Variants in TAFA5 observed in about 807,000 individuals in gnomAD.
TAFA5 encodes chemokine-like protein TAFA-5.
In TAFA5, 6 loss-of-function variants were observed where a neutral mutation model predicts 15.3. The observed-to-expected ratio is 0.39, with a 90% CI of 0.21 to 0.77. The LOEUF is 0.77. TAFA5 is among the 30% of genes least tolerant of loss of function. The pLI is 0.41. For missense variants in TAFA5, 161 were observed against 193.1 expected (o/e 0.83, Z 0.98); for synonymous variants, 103 against 80.7 (o/e 1.28, Z -1.48).
At chr22:48,496,149 C>T (rs181689260) in intron 1 of TAFA5, among the ~76,000 whole-genome samples, 1 of 152,358 alleles carries the variant, frequency 6.6e-6, no homozygotes, top group Admixed American at 6.5e-5. Context: ...CCTGAGCATG[C>T]ATCCCCATCC....
At chr22:48,534,048 G>A (rs1432540464) in intron 1 of TAFA5, among the ~76,000 whole-genome samples, 1 of 152,160 alleles carries the variant, frequency 6.6e-6, no homozygotes, top group East Asian at 1.9e-4. Context: ...TTTCAGGAGA[G>A]CCCACATGGT....
chr22:48,534,717 C>T (rs956917230), intron 1 of TAFA5, among the ~76,000 whole-genome samples: 3 of 152,194 alleles, frequency 2.0e-5, no homozygotes, highest in South Asian at 2.1e-4. Context: ...CTGTCCTTTA[C>T]CCTGGAACGG....
intron 1 of TAFA5, among the ~76,000 whole-genome samples, chr22:48,538,656 C>T (rs940666017): frequency 3.3e-5 from 5 of 152,178 alleles, no homozygotes; most frequent in East Asian, 1.9e-4. Context: ...CTCTTCCACG[C>T]GTCTCTGTGC....
At chr22:48,746,767 G>A (rs952699439) in intron 3 of TAFA5, among the ~76,000 whole-genome samples, 13 of 151,610 alleles carry the variant, frequency 8.6e-5, no homozygotes, top group Non-Finnish European at 8.8e-5. Flanking sequence ...AGCCGGAGGG[G>A]CCTCGTCACC....
chr22:48,595,302 C>G (rs959694634), intron 1 of TAFA5, among the ~76,000 whole-genome samples: 1 of 152,342 alleles, frequency 6.6e-6, no homozygotes, highest in Admixed American at 6.5e-5. Flanking sequence ...CATGGTTCCC[C>G]AAATGGTTGC....
At chr22:48,536,806 C>T (rs1203432732) in intron 1 of TAFA5, among the ~76,000 whole-genome samples, 6 of 152,198 alleles carry the variant, frequency 3.9e-5, no homozygotes, top group African/African-American at 9.7e-5. Flanking sequence ...GGAGGGTTTA[C>T]GCTGGGGAAG....
At chr22:48,680,099 G>A (rs1928131419) in intron 2 of TAFA5, among the ~76,000 whole-genome samples, 1 of 152,228 alleles carries the variant, frequency 6.6e-6, no homozygotes. Flanking sequence ...CAGCCCCGGT[G>A]GGTGTGGATG....
rs1279258631 is a variant in TAFA5, at chr22:48,560,588, ATT to A, written c.112+70885_112+70886del. Among the ~76,000 whole-genome samples, 1,244 of 95,360 alleles carry A rather than the reference ATT, an allele frequency of 0.013. 11 individuals carry two copies. Among genetic ancestry groups the A allele is most frequent in the Middle Eastern group, 0.031 (6 of 194 alleles). The allele number at this position is 95,360 out of a possible 152,430, so 62.6% of individuals were successfully genotyped here. ...GTATTTTATTATTATTATTATTATTATTATATTATTATTATTAATTATTTATT... is the reference window on the plus strand; with the variant it reads ...GTATTTTATTATTATTATTATTATTAATATTATTATTATTAATTATTTATT... On this transcript the variant is annotated intron_variant, in intron 1 of 3. Coordinates refer to ENST00000402357, the MANE Select transcript of TAFA5 (RefSeq NM_001082967.3). This position sits in a 1 kb window ranked among gnomAD's most constrained non-coding sequence, Gnocchi z 4.2.
intron 1 of TAFA5, among the ~76,000 whole-genome samples, chr22:48,555,756 C>G (rs1923014435): frequency 6.6e-6 from 1 of 152,176 alleles, no homozygotes; most frequent in South Asian, 2.1e-4. Context: ...GGAAGCTGGT[C>G]CAGGAGACCT....
intron 1 of TAFA5, among the ~76,000 whole-genome samples, chr22:48,628,631 G>A (rs903019141): frequency 6.6e-6 from 1 of 152,226 alleles, no homozygotes; most frequent in African/African-American, 2.4e-5. Context: ...GCTCCCAGAT[G>A]TGCTGTTGAG....
intron 1 of TAFA5, among the ~76,000 whole-genome samples, chr22:48,602,678 C>T (rs1218707648): frequency 6.6e-6 from 1 of 152,202 alleles, no homozygotes; most frequent in East Asian, 1.9e-4. Flanking sequence ...TGGCTCGCCG[C>T]ACATGTCTGT....
At chr22:48,709,122 C>G (rs771861936) in intron 3 of TAFA5, among the ~76,000 whole-genome samples, 7 of 152,208 alleles carry the variant, frequency 4.6e-5, no homozygotes, top group Non-Finnish European at 1.0e-4. Context: ...TTCATGCAGA[C>G]TCAGCCTCGC....
At chr22:48,654,052 T>C (rs1046304309) in intron 2 of TAFA5, among the ~76,000 whole-genome samples, 1 of 152,068 alleles carries the variant, frequency 6.6e-6, no homozygotes, top group Non-Finnish European at 1.5e-5. Flanking sequence ...AGCCTCTCCA[T>C]GTCCCGTCAC....
In TAFA5 at chr22:48,678,761, T is replaced by TA. The variant is rs58165740; in HGVS notation, c.263-28944dup. Among the ~76,000 whole-genome samples, 191 of 148,072 alleles carry TA rather than the reference T, an allele frequency of 1.3e-3. 4 individuals are homozygous for TA. The highest frequency in any genetic ancestry group is 3.5e-3 in the Middle Eastern group (1 of 284). On this transcript the variant is annotated intron_variant, in intron 2 of 3. Coordinates refer to ENST00000402357, the MANE Select transcript of TAFA5 (RefSeq NM_001082967.3). ...TAAAAAGAAAACGGAAAAACAAAGT[T>TA]AAAAAAAAAAAATGCTGGTGTGTAC...
chr22:48,603,354 G>A (rs1326064320), intron 1 of TAFA5, among the ~76,000 whole-genome samples: 2 of 152,234 alleles, frequency 1.3e-5, no homozygotes, highest in African/African-American at 2.4e-5. Context: ...TGAGGGAGGC[G>A]GCCACGCAGT....
In TAFA5 at chr22:48,750,180, C is replaced by T. The variant is rs960852185; in HGVS notation, c.*333C>T. 3.6e-5 allele frequency: 15 copies of T among 412,932 alleles called. No individual in the cohort carries two copies. The highest frequency in any genetic ancestry group is 4.1e-5 in the African/African-American group (2 of 48,702). 25.6% of individuals were successfully genotyped at this position (412,932 alleles called of 1,614,324 possible). ...GAGGAGGAGGAGGAGGAGGCAGCTC[C>T]GGCAGCCACAGAAGGCTGCAGCCCA... On this transcript the variant is annotated 3_prime_UTR_variant, in exon 4 of 4. Coordinates refer to ENST00000402357, the MANE Select transcript of TAFA5 (RefSeq NM_001082967.3).
intron 1 of TAFA5, among the ~76,000 whole-genome samples, chr22:48,580,937 G>A (rs191740095): frequency 1.2e-3 from 172 of 144,880 alleles, no homozygotes; most frequent in African/African-American, 3.8e-3. Context: ...CAGGGGCATC[G>A]CAGTGCCAGC....
chr22:48,745,440 G>T (rs1224221824), intron 3 of TAFA5, among the ~76,000 whole-genome samples: 1 of 147,996 alleles, frequency 6.8e-6, no homozygotes. Context: ...CCTGCCCGGG[G>T]TTCACCCTGA....
At chr22:48,592,413 G>A (rs1256935801) in intron 1 of TAFA5, among the ~76,000 whole-genome samples, 1 of 152,222 alleles carries the variant, frequency 6.6e-6, no homozygotes, top group African/African-American at 2.4e-5. Flanking sequence ...AGGCTGTGGT[G>A]CAGGTGAAGT....
Sources: gnomAD v4.1 joint callset for allele counts (sites outside exome capture counted in the v4.1 genomes callset) on GRCh38, gnomAD v4.1.1 for gene constraint, Gnocchi (gnomAD v3.1) non-coding constraint, MANE v1.5 for transcripts, NCBI Gene and HGNC (gene_info 2026-07-23, HGNC 2026-07-21) for gene names.